Variants in COL9A1 observed in about 807,000 individuals in gnomAD.
COL9A1 encodes the protein collagen type IX alpha 1 chain.
COL9A1 carries 104 observed loss-of-function variants against 142.6 expected under a neutral mutation model. The observed-to-expected ratio is 0.73, with a 90% CI of 0.62 to 0.86. COL9A1 has a LOEUF of 0.86. Among genes scored for constraint, COL9A1 ranks in the 40% least tolerant of loss-of-function variants. The pLI, the probability that COL9A1 is intolerant of heterozygous loss-of-function variation, is 0.00. For synonymous variants in COL9A1, 466 were observed against 396.0 expected (o/e 1.18, Z -2.10); for missense variants, 1,210 against 1,176.6 (o/e 1.03, Z -0.42).
intron 4 of COL9A1, among the ~76,000 whole-genome samples, chr6:70,297,080 G>A (rs1449185224): frequency 5.3e-5 from 8 of 152,018 alleles, no homozygotes; most frequent in Non-Finnish European, 2.9e-5. Flanking sequence ...GTTAACTGAG[G>A]GAGTTCTCCC....
At position 70,252,140 on chromosome 6, in the gene COL9A1, G is replaced by A. The variant is rs764469753; in HGVS notation, c.1852C>T (p.Arg618Ter). Reference protein sequence around the residue: ...QQGPPGEVGPRGPQGLPGSRG... With the variant: ...QQGPPGEVGP ...CTCACAGGAAGCCCCTGGGGTCCTC[G>A]GGGTCCCACCTCTCCTGGAGGCCCC... The change falls in exon 28 of 38, where the codon CGA becomes TGA. Residue 618 changes from arginine (R) to a stop codon, truncating the protein, a stop_gained. Coordinates refer to ENST00000357250, the MANE Select transcript of COL9A1 (RefSeq NM_001851.6). LOFTEE classifies it high-confidence loss of function. 15 of 1,614,100 alleles carry A rather than the reference G, an allele frequency of 9.3e-6. No individual in the cohort carries two copies. The highest frequency in any genetic ancestry group is 4.5e-5 in the East Asian group (2 of 44,880).
rs1417339266 is a variant in COL9A1, at chr6:70,254,521, T to C, written c.1674A>G (p.Pro558=). The C allele has an allele frequency of 2.5e-6, 4 of 1,614,128 alleles. No homozygotes were observed. In the East Asian group the frequency reaches 6.7e-5, roughly 27 times the overall value. ...CATCACCAGGAGGCCCAGGTTTTCC[T>C]GGTTCACCCTGCAAAAAAAGCTTTT... is the stretch of plus-strand genomic sequence containing the variant. The part of the protein sequence containing the change: ...IPGMPGTKGE[P]GKPGPPGDAG... Residue 558 remains proline, a synonymous_variant, in exon 25 of 38, where the codon CCA becomes CCG. Transcript: ENST00000357250.
At chr6:70,291,143 G>A (rs1583343373) in intron 5 of COL9A1, among the ~76,000 whole-genome samples, 1 of 152,076 alleles carries the variant, frequency 6.6e-6, no homozygotes, top group South Asian at 2.1e-4. Context: ...TAAAACAAGG[G>A]ACTAAGGACA....
At chr6:70,244,225 A>T (rs1306251710) in intron 28 of COL9A1, among the ~76,000 whole-genome samples, 2 of 152,238 alleles carry the variant, frequency 1.3e-5, no homozygotes, top group Non-Finnish European at 2.9e-5. Flanking sequence ...AACTTTATAT[A>T]AACAACCTGT....
chr6:70,300,717 TA>T (rs1217009152), intron 2 of COL9A1, among the ~76,000 whole-genome samples: 1 of 152,202 alleles, frequency 6.6e-6, no homozygotes, highest in Non-Finnish European at 1.5e-5. Context: ...TTGAAGAGGT[TA>T]GGCATTTGTT....
intron 18 of COL9A1, 118 bp downstream of exon 18, chr6:70,266,599 T>TA: frequency 1.2e-6 from 1 of 858,206 alleles, no homozygotes; most frequent in Non-Finnish European, 2.0e-6. Context: ...AATCATTATT[T>TA]AAAAAAGAAT....
chr6:70,282,772 G>A, intron 7 of COL9A1, 126 bp downstream of exon 7: 1 of 1,425,828 alleles, frequency 7.0e-7, no homozygotes, highest in Non-Finnish European at 9.7e-7. Flanking sequence ...CTCGAGGCTG[G>A]AGGAAGCGCG....
intron 21 of COL9A1, among the ~76,000 whole-genome samples, chr6:70,256,292 C>T (rs1771290954): frequency 1.3e-5 from 2 of 152,280 alleles, no homozygotes; most frequent in African/African-American, 4.8e-5. Flanking sequence ...ATCTTTTCTA[C>T]TTTTTATGTG....
intron 37 of COL9A1, among the ~76,000 whole-genome samples, chr6:70,221,773 C>T (rs1768893793): frequency 6.6e-6 from 1 of 152,102 alleles, no homozygotes; most frequent in Non-Finnish European, 1.5e-5. Context: ...AAATATGTTC[C>T]TTTAAAATTC....
At chr6:70,260,744 A>C (rs944474263) in intron 19 of COL9A1, 34 bp from the exon 20 acceptor site, 1 of 1,607,974 alleles carries the variant, frequency 6.2e-7, no homozygotes, top group African/African-American at 1.3e-5. Flanking sequence ...GAATTATTTT[A>C]GTTGAAGCAA....
chr6:70,271,844 G>A, intron 13 of COL9A1, 136 bp from the exon 14 acceptor site: 3 of 1,000,058 alleles, frequency 3.0e-6, no homozygotes, highest in Non-Finnish European at 4.5e-6. Flanking sequence ...TAACTCATTT[G>A]ACCAAACTTT....
intron 28 of COL9A1, 109 bp from the exon 29 acceptor site, chr6:70,242,824 G>C: frequency 1.0e-6 from 1 of 975,994 alleles, no homozygotes; most frequent in Non-Finnish European, 1.6e-6. Flanking sequence ...TCAGCTAAAG[G>C]CATAGGCCAT....
At position 70,238,204 on chromosome 6, in the gene COL9A1, G is replaced by A. The variant is rs895942014; in HGVS notation, c.2112+1050C>T. ...AATATGCTGGACAGGGACAGAGAAG[G>A]GTTGAGGAGATTCCGGAAACAGGAA... On this transcript the variant is annotated intron_variant, in intron 33 of 37. Transcript: ENST00000357250. Among the ~76,000 whole-genome samples the A allele has an allele frequency of 2.6e-5, 4 of 152,306 alleles. No homozygotes were observed. In the East Asian group the frequency reaches 7.7e-4, roughly 29 times the overall value.
intron 3 of COL9A1, 29 bp downstream of exon 3, chr6:70,300,280 C>T (rs747505733): frequency 1.9e-6 from 3 of 1,605,942 alleles, no homozygotes; most frequent in Non-Finnish European, 1.7e-6. Context: ...AGAAAGCATG[C>T]ATTTTCAATA....
At position 70,216,659 on chromosome 6, in the gene COL9A1, T is replaced by C; in HGVS notation, c.*238A>G. ...CAAGGGAGGTGTTTGGTTTTCTTTT[T>C]TTTTTTTTAACTGATGACTCTGCTG... On this transcript the variant is annotated 3_prime_UTR_variant, in exon 38 of 38. Coordinates refer to ENST00000357250, the MANE Select transcript of COL9A1 (RefSeq NM_001851.6). The C allele has an allele frequency of 1.8e-6, 1 of 554,998 alleles. No homozygotes were observed. Among genetic ancestry groups the C allele is most frequent in the Non-Finnish European group, 3.2e-6 (1 of 310,208 alleles). 34.4% of individuals were successfully genotyped at this position (554,998 alleles called of 1,614,324 possible).
intron 20 of COL9A1, among the ~76,000 whole-genome samples, chr6:70,258,089 T>C (rs1404930965): frequency 3.3e-5 from 5 of 152,246 alleles, no homozygotes; most frequent in Admixed American, 3.3e-4. Context: ...GTGGCTAACA[T>C]ATTGTACACT....
At chr6:70,291,851 T>C (rs1773672068) in intron 5 of COL9A1, among the ~76,000 whole-genome samples, 1 of 152,144 alleles carries the variant, frequency 6.6e-6, no homozygotes, top group Admixed American at 6.6e-5. Context: ...ATTAGAAATG[T>C]TGTGCCTAAC....
At chr6:70,251,500 T>C (rs377343190) in intron 28 of COL9A1, among the ~76,000 whole-genome samples, 88 of 152,342 alleles carry the variant, frequency 5.8e-4, no homozygotes, top group African/African-American at 2.0e-3. Context: ...TGAGCTACGA[T>C]TGCGCCACTG....
rs778400234 is a variant in COL9A1, at chr6:70,254,460, A to G, written c.1719+16T>C. The G allele has an allele frequency of 2.5e-6, 4 of 1,613,326 alleles. No homozygotes were observed. Among genetic ancestry groups the G allele is most frequent in the Non-Finnish European group, 3.4e-6 (4 of 1,179,270 alleles). On this transcript the variant is annotated intron_variant, in intron 25 of 37. Transcript: ENST00000357250. Reference sequence around the variant, plus strand: ...TGTATATAAACCAATTAACATGTAAAGAATCAAATACTTACTGGTAACCCC... The same window carrying G: ...TGTATATAAACCAATTAACATGTAAGGAATCAAATACTTACTGGTAACCCC...
Sources: gnomAD v4.1 joint callset for allele counts (sites outside exome capture counted in the v4.1 genomes callset) on GRCh38, gnomAD v4.1.1 for gene constraint, MANE v1.5 for transcripts, NCBI Gene and HGNC (gene_info 2026-07-23, HGNC 2026-07-21) for gene names.